The following POLD3 variants were observed in gnomAD, a reference collection of about 807,000 sequenced individuals.
POLD3 encodes DNA polymerase delta 3, accessory subunit.
In POLD3, 19 loss-of-function variants were observed where a neutral mutation model predicts 58.2. That is an observed-to-expected ratio of 0.33 (90% CI 0.23 to 0.48). The LOEUF (loss-of-function observed/expected upper bound fraction) is 0.48, where lower values mean the gene tolerates loss of function less well. POLD3 is among the 20% of genes least tolerant of loss of function. The pLI is 0.99. For synonymous variants in POLD3, 172 were observed against 193.5 expected, an observed-to-expected ratio of 0.89 and a Z score of 0.92; for missense variants, 504 against 545.5, an observed-to-expected ratio of 0.92 and a Z score of 0.76.
chr11:74,640,551 C>T lies in POLD3; in HGVS notation c.1199-13C>T. 6.8e-7 allele frequency: 1 copy of T among 1,476,206 alleles called. No individual in the cohort carries two copies. 91.4% of individuals were successfully genotyped at this position (1,476,206 alleles called of 1,614,324 possible). A position where few individuals can be genotyped will look rare whatever the true frequency, so the allele number is the denominator to read the frequency against. On this transcript the variant is annotated splice_polypyrimidine_tract_variant and intron_variant, in intron 11 of 11. Coordinates refer to ENST00000263681, the MANE Select transcript of POLD3 (RefSeq NM_006591.3). ...CAGCCCACCCATGTTCCATTTTTTT[C>T]TCATCCTACCAGTGACTGAAAAAGT...
chr11:74,632,298 T>G (rs1205896374), intron 9 of POLD3, among the ~76,000 whole-genome samples: 1 of 152,244 alleles, frequency 6.6e-6, no homozygotes, highest in Non-Finnish European at 1.5e-5. Flanking sequence ...GTTTTTATTC[T>G]GTCCCAACAA....
chr11:74,659,964 C>G (rs986240253), intron 4 of POLD3, among the ~76,000 whole-genome samples: 1 of 152,138 alleles, frequency 6.6e-6, no homozygotes, highest in African/African-American at 2.4e-5. Context: ...CTACTGGTAC[C>G]AATTTACTAT....
At chr11:74,657,501 CAACTT>C (rs1213119713) in intron 4 of POLD3, among the ~76,000 whole-genome samples, 10 of 128,908 alleles carry the variant, frequency 7.8e-5, no homozygotes, top group South Asian at 2.8e-4. Flanking sequence ...AAACTGGTGA[CAACTT>C]AACACTGATT....
intron 4 of POLD3, among the ~76,000 whole-genome samples, chr11:74,655,028 G>T (rs1303310007): frequency 6.6e-6 from 1 of 152,228 alleles, no homozygotes; most frequent in African/African-American, 2.4e-5. Context: ...TAGAACTTGA[G>T]GCCATGCACA....
At position 74,600,574 on chromosome 11, in the gene POLD3, G is replaced by A. The variant is rs185331049; in HGVS notation, c.117-4118G>A. On this transcript the variant is annotated intron_variant, in intron 2 of 11. Transcript: ENST00000263681. ...CACTTGAACCTAGGAGGCAGACATG[G>A]CAGTGAGCTGAGATCGCGCCACTGC... Among the ~76,000 whole-genome samples the A allele has an allele frequency of 1.9e-3, 287 of 152,066 alleles. 7 individuals are homozygous for A. The East Asian group carries it at 0.051, about 27-fold the overall frequency.
intron 2 of POLD3, among the ~76,000 whole-genome samples, chr11:74,603,213 C>T (rs748093797): frequency 1.3e-5 from 2 of 152,146 alleles, no homozygotes; most frequent in African/African-American, 4.8e-5. Flanking sequence ...ATTTTTTAAA[C>T]TTCACTCTGG....
At chr11:74,613,271 C>T (rs1340833353) in intron 5 of POLD3, among the ~76,000 whole-genome samples, 1 of 151,726 alleles carries the variant, frequency 6.6e-6, no homozygotes, top group African/African-American at 2.4e-5. Context: ...TTTGTCGTGC[C>T]CTCTCTAACT....
intron 3 of POLD3, among the ~76,000 whole-genome samples, chr11:74,609,373 T>TATATATATATATATATATATATA (rs1491467177): frequency 2.5e-4 from 4 of 16,070 alleles, no homozygotes; most frequent in Non-Finnish European, 4.2e-4. Flanking sequence ...TATATATATA[T>TATATATATATATATATATATATA]TTTTTTTTTT....
intron 10 of POLD3, among the ~76,000 whole-genome samples, chr11:74,635,343 G>A (rs911656798): frequency 2.1e-4 from 32 of 152,348 alleles, no homozygotes; most frequent in African/African-American, 7.5e-4. Flanking sequence ...ATAAAAGGAA[G>A]TTGATACTAG....
At chr11:74,636,111 G>A (rs1257750355) in intron 10 of POLD3, 86 bp from the exon 11 acceptor site, 2 of 1,237,176 alleles carry the variant, frequency 1.6e-6, no homozygotes, top group Admixed American at 2.3e-5. Context: ...GTATTGGAGA[G>A]TGATTAGTAT....
intron 4 of POLD3, among the ~76,000 whole-genome samples, chr11:74,652,180 TC>T: frequency 6.6e-6 from 1 of 152,342 alleles, no homozygotes; most frequent in Non-Finnish European, 1.5e-5. Flanking sequence ...ACAGCTCTCA[TC>T]TGCAAATTGA....
At chr11:74,607,621 A>G (rs1056170526) in intron 3 of POLD3, among the ~76,000 whole-genome samples, 2 of 151,508 alleles carry the variant, frequency 1.3e-5, no homozygotes, top group African/African-American at 4.9e-5. Flanking sequence ...TCACTTTGTC[A>G]TCCAGGCTAT....
chr11:74,642,058 C>T lies in POLD3; in HGVS notation c.*1292C>T. ...GTCAGGCTCAACTGCTGATGTGTCT[C>T]ACACGTAGCAGACAAGGGGTGTCTG... On this transcript the variant is annotated 3_prime_UTR_variant, in exon 12 of 12. Transcript: ENST00000263681. 7.1e-6 allele frequency: 7 copies of T among 985,422 alleles called. No homozygotes were observed. Among genetic ancestry groups the T allele is most frequent in the Non-Finnish European group, 8.4e-6 (7 of 829,922 alleles). 61.0% of individuals were successfully genotyped at this position (985,422 alleles called of 1,614,324 possible).
chr11:74,639,162 G>T (rs1466071066), intron 11 of POLD3, among the ~76,000 whole-genome samples: 1 of 152,194 alleles, frequency 6.6e-6, no homozygotes, highest in African/African-American at 2.4e-5. Flanking sequence ...GCATGTTAGA[G>T]AAGCAAATTC....
intron 7 of POLD3, among the ~76,000 whole-genome samples, chr11:74,624,308 C>T (rs1248698969): frequency 6.6e-6 from 1 of 152,072 alleles, no homozygotes; most frequent in Non-Finnish European, 1.5e-5. Context: ...AAGAGTATGC[C>T]ATCGTTGGGA....
chr11:74,667,771 C>A (rs1388629036), intron 4 of POLD3, among the ~76,000 whole-genome samples: 1 of 152,096 alleles, frequency 6.6e-6, no homozygotes, highest in African/African-American at 2.4e-5. Flanking sequence ...TCTCAAAAAA[C>A]GAAAAGACAA....
At chr11:74,600,686 C>T (rs1591289100) in intron 2 of POLD3, among the ~76,000 whole-genome samples, 1 of 144,658 alleles carries the variant, frequency 6.9e-6, no homozygotes, top group Non-Finnish European at 1.5e-5. Context: ...TTTAAAGACT[C>T]AAAAAGTAGG....
intron 3 of POLD3, among the ~76,000 whole-genome samples, chr11:74,608,799 TATA>T (rs1364556942): frequency 5.3e-5 from 8 of 152,210 alleles, no homozygotes; most frequent in Admixed American, 5.2e-4. Context: ...CTGTAATTTT[TATA>T]ATAAGCTCTG....
chr11:74,649,977 C>T (rs2033048673), intron 4 of POLD3, among the ~76,000 whole-genome samples: 1 of 152,122 alleles, frequency 6.6e-6, no homozygotes, highest in African/African-American at 2.4e-5. Context: ...GAGTTCATGC[C>T]CTTTTACTAT....
Sources: gnomAD v4.1 joint callset for allele counts (sites outside exome capture counted in the v4.1 genomes callset) on GRCh38, gnomAD v4.1.1 for gene constraint, MANE v1.5 for transcripts, NCBI Gene and HGNC (gene_info 2026-07-23, HGNC 2026-07-21) for gene names.